Variants in FSTL4 observed in about 807,000 individuals in gnomAD.
FSTL4 encodes the protein follistatin-related protein 4.
A neutral mutation model predicts 78.2 loss-of-function variants in FSTL4; 28 were observed. The ratio of observed to expected loss-of-function variants is 0.36; its 90% CI spans 0.27 to 0.49. The LOEUF is 0.49. FSTL4 is among the 20% of genes least tolerant of loss of function. FSTL4 has a pLI of 0.98. For missense variants in FSTL4, 922 were observed against 1,084.9 expected (o/e 0.85, Z 2.11); for synonymous variants, 422 against 440.5 (o/e 0.96, Z 0.53).
chr5:133,244,235 G>A (rs1751967011), intron 7 of FSTL4: 1 of 152,332 alleles, frequency 6.6e-6, no homozygotes, highest in Non-Finnish European at 1.5e-5. Flanking sequence ...CCCCACAGCA[G>A]GGGCTGGGGG....
chr5:133,657,869 G>T, the FSTL4 span, among the ~76,000 whole-genome samples: 1 of 149,076 alleles, frequency 6.7e-6, no homozygotes, highest in African/African-American at 2.5e-5. Context: ...CTCCCTTAAA[G>T]TCCTCCTTCA....
intron 3 of FSTL4, among the ~76,000 whole-genome samples, chr5:133,557,215 G>A (rs974878214): frequency 2.2e-4 from 34 of 152,280 alleles, no homozygotes; most frequent in Middle Eastern, 6.8e-3. Flanking sequence ...CTGTGACCTT[G>A]GGTCAACTGC....
intron 4 of FSTL4, among the ~76,000 whole-genome samples, chr5:133,360,038 G>A (rs543996517): frequency 6.6e-6 from 1 of 152,330 alleles, no homozygotes; most frequent in African/African-American, 2.4e-5. Context: ...CAGATTTCCT[G>A]AAGTGCTGCC....
At chr5:133,665,356 A>C in the FSTL4 span, among the ~76,000 whole-genome samples, 1 of 151,996 alleles carries the variant, frequency 6.6e-6, no homozygotes, top group African/African-American at 2.4e-5. Flanking sequence ...CTTGTTATAG[A>C]AAGAACAAGA....
the FSTL4 span, among the ~76,000 whole-genome samples, chr5:133,813,093 T>G: frequency 6.6e-6 from 1 of 152,190 alleles, no homozygotes; most frequent in Non-Finnish European, 1.5e-5. Flanking sequence ...CTCAACCACA[T>G]GCCCACACTC....
intron 2 of FSTL4, among the ~76,000 whole-genome samples, chr5:133,594,784 A>T (rs978795605): frequency 6.6e-6 from 1 of 152,266 alleles, no homozygotes; most frequent in African/African-American, 2.4e-5. Context: ...GGCCAGAAAG[A>T]GAAATAAATG....
the FSTL4 span, among the ~76,000 whole-genome samples, chr5:133,761,385 A>G: frequency 6.6e-6 from 1 of 152,218 alleles, no homozygotes; most frequent in Non-Finnish European, 1.5e-5. Flanking sequence ...TTATTCTAAC[A>G]TTCTCGGTAA....
At chr5:133,363,853 C>T (rs1196691341) in intron 4 of FSTL4, among the ~76,000 whole-genome samples, 1 of 152,108 alleles carries the variant, frequency 6.6e-6, no homozygotes, top group Non-Finnish European at 1.5e-5. Context: ...TCAGCCTTAA[C>T]AGCTTTGTGC....
At chr5:133,367,028 A>T (rs1755195023) in intron 4 of FSTL4, among the ~76,000 whole-genome samples, 1 of 152,232 alleles carries the variant, frequency 6.6e-6, no homozygotes, top group Non-Finnish European at 1.5e-5. Flanking sequence ...CCAGCCATTC[A>T]GGGTCCTCCC....
chr5:133,287,446 T>C (rs1022325775), intron 6 of FSTL4, among the ~76,000 whole-genome samples: 4 of 152,002 alleles, frequency 2.6e-5, no homozygotes, highest in African/African-American at 9.7e-5. Context: ...TGAACACTAT[T>C]GCTGGGAGTC....
the FSTL4 span, among the ~76,000 whole-genome samples, chr5:133,822,780 C>T: frequency 1.3e-5 from 2 of 152,132 alleles, no homozygotes; most frequent in Non-Finnish European, 2.9e-5. Flanking sequence ...AACTCTAACG[C>T]CATGCAAAAG....
In FSTL4 at chr5:133,361,336, G is replaced by C. The variant is rs945529614; in HGVS notation, c.409+39402C>G. ...TTTGTATGTTATCTTGAGATTTCGC[G>C]GTTGACTGCGATAATCCTTTATAGT... is the stretch of plus-strand genomic sequence containing the variant. On this transcript the variant is annotated intron_variant, in intron 4 of 15. Transcript: ENST00000265342. The surrounding 1 kb of genome is among the most constrained non-coding windows in gnomAD (Gnocchi z 4.3). Among the ~76,000 whole-genome samples the C allele has an allele frequency of 6.6e-6, 1 of 152,164 alleles. No homozygotes were observed. The highest frequency in any genetic ancestry group is 6.5e-5 in the Admixed American group (1 of 15,272).
At chr5:133,534,737 C>T (rs1010989000) in intron 3 of FSTL4, among the ~76,000 whole-genome samples, 25 of 152,208 alleles carry the variant, frequency 1.6e-4, no homozygotes, top group African/African-American at 5.8e-4. Context: ...TTCTTTTCTC[C>T]CCCAGTTCCC....
At chr5:133,472,938 T>C (rs1757853263) in intron 3 of FSTL4, among the ~76,000 whole-genome samples, 1 of 152,330 alleles carries the variant, frequency 6.6e-6, no homozygotes, top group Admixed American at 6.5e-5. Context: ...CCCTGACTCT[T>C]GTACTGTTCA....
intron 2 of FSTL4, among the ~76,000 whole-genome samples, chr5:133,571,030 A>T (rs187623841): frequency 6.6e-6 from 1 of 152,218 alleles, no homozygotes; most frequent in Admixed American, 6.5e-5. Context: ...CCCTTGAGTT[A>T]TATGATTATG....
chr5:133,706,988 C>T, the FSTL4 span, among the ~76,000 whole-genome samples: 33 of 152,274 alleles, frequency 2.2e-4, 1 homozygote, highest in Admixed American at 2.0e-3. Context: ...TCTCACACTG[C>T]ATCATCATGA....
At chr5:133,638,214 G>T in the FSTL4 span, among the ~76,000 whole-genome samples, 1 of 151,168 alleles carries the variant, frequency 6.6e-6, no homozygotes, top group African/African-American at 2.4e-5. Context: ...TGCCTTTACA[G>T]CCACCACTCC....
chr5:133,754,420 G>A, the FSTL4 span, among the ~76,000 whole-genome samples: 16 of 152,222 alleles, frequency 1.1e-4, no homozygotes, highest in East Asian at 2.5e-3. Flanking sequence ...ATTTGTCCAC[G>A]TAAATTGGAT....
rs751778816 is a variant in FSTL4 at position 133,344,968 on chromosome 5, C to CTTTT, written c.410-28320_410-28317dup. 9.3e-4 allele frequency among the ~76,000 whole-genome samples: 125 copies of CTTTT among 134,238 alleles called. 3 individuals carry two copies. The highest frequency in any genetic ancestry group is 3.5e-3 in the African/African-American group (122 of 35,038). The allele number at this position is 134,238 out of a possible 152,430, so 88.1% of individuals were successfully genotyped here. On this transcript the variant is annotated intron_variant, in intron 4 of 15. Transcript: ENST00000265342. ...ACACTCCTCACCCTCCATGCCCCCA[C>CTTTT]TTTTTTTTTTTTTTTTTTGAGACGG...
Sources: allele counts gnomAD v4.1 joint callset (sites outside exome capture counted in the v4.1 genomes callset), GRCh38; gene constraint gnomAD v4.1.1; non-coding constraint Gnocchi (gnomAD v3.1); transcripts MANE v1.5; gene names NCBI Gene and HGNC (gene_info 2026-07-23, HGNC 2026-07-21).